The following TRIM2 variants were observed in gnomAD, a reference collection of about 807,000 sequenced individuals.
TRIM2 encodes the protein tripartite motif containing 2, also known as tripartite motif-containing protein 2.
In TRIM2, 20 loss-of-function variants were observed where a neutral mutation model predicts 75.2. The observed-to-expected ratio is 0.27, with a 90% CI of 0.19 to 0.39. TRIM2 has a LOEUF of 0.39. Ranked by LOEUF, TRIM2 falls within the 10% of genes least tolerant of loss-of-function variation. TRIM2 has a pLI of 1.00. For missense variants in TRIM2, 660 were observed against 990.8 expected (o/e 0.67, Z 4.48); for synonymous variants, 373 against 388.3 (o/e 0.96, Z 0.46).
intron 1 of TRIM2, among the ~76,000 whole-genome samples, chr4:153,169,577 T>C (rs1730642021): frequency 6.6e-6 from 1 of 152,206 alleles, no homozygotes; most frequent in Admixed American, 6.5e-5. Flanking sequence ...GTTTTGTAAA[T>C]ATATACAACT....
intron 1 of TRIM2, among the ~76,000 whole-genome samples, chr4:153,176,119 TA>T (rs1731410623): frequency 6.6e-6 from 1 of 152,018 alleles, no homozygotes; most frequent in African/African-American, 2.4e-5. Context: ...CTAAGATGGT[TA>T]AAATTTTTAT....
chr4:153,180,694 TCTC>T (rs1731965082), intron 1 of TRIM2, among the ~76,000 whole-genome samples: 2 of 152,200 alleles, frequency 1.3e-5, no homozygotes, highest in Admixed American at 1.3e-4. Flanking sequence ...GCCAGGTTGG[TCTC>T]CTACTCCTGA....
rs187834593 is a variant in TRIM2 at position 153,269,995 on chromosome 4, C to T, written c.31-340C>T. 2.6e-3 allele frequency among the ~76,000 whole-genome samples: 403 copies of T among 152,178 alleles called. 3 individuals carry two copies. Among genetic ancestry groups the T allele is most frequent in the African/African-American group, 9.2e-3 (380 of 41,506 alleles). The stretch of plus-strand genomic sequence containing the variant: ...CCAGGCTGGAGTGCAGTGGCGCGAT[C>T]TCAGCTCACTGCAACCTCTGCCTCC... On this transcript the variant is annotated intron_variant, in intron 1 of 11. Transcript: ENST00000338700.
chr4:153,273,442 A>AT (rs11459214), intron 2 of TRIM2, among the ~76,000 whole-genome samples: 15,015 of 77,692 alleles, frequency 0.19, 1,997 homozygotes, highest in African/African-American at 0.31. Context: ...CGCCCGGCTA[A>AT]TTTTTTTTTT....
At chr4:153,294,543 C>T in intron 5 of TRIM2, 58 bp downstream of exon 5, 2 of 1,551,542 alleles carry the variant, frequency 1.3e-6, no homozygotes, top group Non-Finnish European at 1.8e-6. Flanking sequence ...AGGGCACTAG[C>T]TTATTGTTTC....
intron 1 of TRIM2, among the ~76,000 whole-genome samples, chr4:153,157,757 A>T (rs1469001960): frequency 6.6e-6 from 1 of 152,234 alleles, no homozygotes; most frequent in Non-Finnish European, 1.5e-5. Flanking sequence ...CCCATTTAAC[A>T]GTCTCACAGT....
At chr4:153,244,363 CT>C (rs1748137345) in intron 1 of TRIM2, among the ~76,000 whole-genome samples, 13 of 36,354 alleles carry the variant, frequency 3.6e-4, no homozygotes, top group African/African-American at 6.7e-4. Context: ...TCCTCTTCTT[CT>C]TCTTCTTCTT....
chr4:153,332,467 A>C (rs984740101), intron 11 of TRIM2, among the ~76,000 whole-genome samples: 5 of 152,180 alleles, frequency 3.3e-5, no homozygotes, highest in African/African-American at 1.2e-4. Context: ...CAACATGGCA[A>C]AACTGCGTCT....
At chr4:153,163,851 T>A (rs187067101) in intron 1 of TRIM2, among the ~76,000 whole-genome samples, 3 of 150,834 alleles carry the variant, frequency 2.0e-5, no homozygotes, top group Non-Finnish European at 4.4e-5. Flanking sequence ...AGGAAACATA[T>A]CCCTGCTTTG....
At chr4:153,293,890 G>C (rs764101390) in intron 4 of TRIM2, among the ~76,000 whole-genome samples, 6 of 152,184 alleles carry the variant, frequency 3.9e-5, no homozygotes, top group Non-Finnish European at 7.3e-5. Flanking sequence ...TATCACAACT[G>C]TGTGTTTTGG....
At chr4:153,271,111 G>A (rs1756568142) in intron 2 of TRIM2, among the ~76,000 whole-genome samples, 1 of 152,184 alleles carries the variant, frequency 6.6e-6, no homozygotes, top group African/African-American at 2.4e-5. Context: ...TGTTTTTGGA[G>A]AGGGGCGTTA....
intron 1 of TRIM2, among the ~76,000 whole-genome samples, chr4:153,226,949 A>ATG (rs1476207182): frequency 6.6e-6 from 1 of 152,236 alleles, no homozygotes; most frequent in African/African-American, 2.4e-5. Context: ...CCCCCTGCTT[A>ATG]TGATCTGGAA....
intron 1 of TRIM2, among the ~76,000 whole-genome samples, chr4:153,230,061 C>T (rs1390464125): frequency 6.6e-6 from 1 of 152,264 alleles, no homozygotes; most frequent in Non-Finnish European, 1.5e-5. Context: ...AAGGCACATA[C>T]ACCCCTGCCC....
At chr4:153,249,319 A>G (rs1750192827) in intron 1 of TRIM2, among the ~76,000 whole-genome samples, 1 of 151,888 alleles carries the variant, frequency 6.6e-6, no homozygotes, top group African/African-American at 2.4e-5. Context: ...GCCTGTTGCT[A>G]TGGAGCCCGG....
At chr4:153,173,581 T>A (rs1169805080) in intron 1 of TRIM2, among the ~76,000 whole-genome samples, 1 of 151,036 alleles carries the variant, frequency 6.6e-6, no homozygotes. Flanking sequence ...CAGAATCGCT[T>A]GAACCCGGGA....
intron 2 of TRIM2, among the ~76,000 whole-genome samples, chr4:153,272,636 A>G (rs1312486934): frequency 6.6e-6 from 1 of 151,754 alleles, no homozygotes; most frequent in Non-Finnish European, 1.5e-5. Context: ...ACAGGTGCAC[A>G]CCACCATGCC....
intron 6 of TRIM2, among the ~76,000 whole-genome samples, chr4:153,296,861 T>A (rs1030562793): frequency 6.6e-6 from 1 of 152,240 alleles, no homozygotes; most frequent in Non-Finnish European, 1.5e-5. Context: ...TTCCTCCCTC[T>A]TCCATTTAAC....
In TRIM2 at chr4:153,219,352, A is replaced by G. The variant is rs1739354659; in HGVS notation, c.30+14792A>G. Among the ~76,000 whole-genome samples, 5 of 152,224 alleles carry G rather than the reference A, an allele frequency of 3.3e-5. No individual in the cohort carries two copies. In the South Asian group the frequency reaches 1.0e-3, roughly 32 times the overall value. ...GACTTCTGATCCCTCAAATAATACT[A>G]CTTAGTGCCTTTATGGGTCCTGAGA... is the stretch of plus-strand genomic sequence containing the variant. On this transcript the variant is annotated intron_variant, in intron 1 of 11. Transcript: ENST00000338700.
At chr4:153,317,375 C>T (rs1428500143) in intron 8 of TRIM2, among the ~76,000 whole-genome samples, 3 of 151,618 alleles carry the variant, frequency 2.0e-5, no homozygotes, top group Non-Finnish European at 2.9e-5. Context: ...CTTGGCCAGG[C>T]GCAGTGGCTC....
Sources: gnomAD v4.1 joint callset for allele counts (sites outside exome capture counted in the v4.1 genomes callset) on GRCh38, gnomAD v4.1.1 for gene constraint, MANE v1.5 for transcripts, NCBI Gene and HGNC (gene_info 2026-07-23, HGNC 2026-07-21) for gene names.